The following DNAI1 variants were observed in gnomAD, a reference collection of about 807,000 sequenced individuals.
The protein encoded by DNAI1 is dynein axonemal intermediate chain 1, also known as dynein, axonemal, intermediate polypeptide 1.
DNAI1 carries 67 observed loss-of-function variants against 92.0 expected under a neutral mutation model. The ratio of observed to expected loss-of-function variants is 0.73; its 90% CI spans 0.60 to 0.89. DNAI1 has a LOEUF of 0.89. DNAI1 is among the 40% of genes least tolerant of loss of function. DNAI1 has a pLI of 0.00. For synonymous variants in DNAI1, 323 were observed against 319.6 expected (o/e 1.01, Z -0.11); for missense variants, 839 against 866.6 (o/e 0.97, Z 0.40).
chr9:34,484,264 T>C (rs1824430269), intron 2 of DNAI1, among the ~76,000 whole-genome samples: 1 of 152,220 alleles, frequency 6.6e-6, no homozygotes, highest in Non-Finnish European at 1.5e-5. Context: ...TTTTCACTGT[T>C]ATTATAAATC....
chr9:34,518,377 G>T (rs896863020), intron 19 of DNAI1, among the ~76,000 whole-genome samples: 5 of 152,252 alleles, frequency 3.3e-5, no homozygotes, highest in Non-Finnish European at 7.3e-5. Flanking sequence ...TCTGGTGCTG[G>T]CTTGGCCTGT....
intron 10 of DNAI1, among the ~76,000 whole-genome samples, chr9:34,500,498 A>T (rs956031542): frequency 6.6e-6 from 1 of 152,200 alleles, no homozygotes; most frequent in Non-Finnish European, 1.5e-5. Context: ...ACAATGGCTA[A>T]CACATAGAGC....
rs752863173 is a variant in DNAI1 at position 34,492,493 on chromosome 9, GATATATATATATATATATATAT to G, written c.682-680_682-659del. ...TCCGGGGTGGGGGTGGGGATATGAA[GATATATATATATATATATATAT>G]ATATATATATATATATATATTTGAG... is the stretch of plus-strand genomic sequence containing the variant. On this transcript the variant is annotated intron_variant, in intron 8 of 19. Coordinates refer to ENST00000242317, the MANE Select transcript of DNAI1 (RefSeq NM_012144.4). 5.3e-4 allele frequency among the ~76,000 whole-genome samples: 36 copies of G among 68,258 alleles called. 1 individual carries two copies. The highest frequency in any genetic ancestry group is 7.6e-4 in the Non-Finnish European group (25 of 32,726). The allele number at this position is 68,258 out of a possible 152,430, so 44.8% of individuals were successfully genotyped here.
chr9:34,478,554 G>A (rs189639889), intron 1 of DNAI1: 14 of 152,326 alleles, frequency 9.2e-5, no homozygotes, highest in African/African-American at 3.1e-4. Context: ...ATCCAAAGAC[G>A]AATAAGACTC....
chr9:34,482,532 C>T (rs1283012224), intron 1 of DNAI1, among the ~76,000 whole-genome samples: 1 of 146,688 alleles, frequency 6.8e-6, no homozygotes, highest in African/African-American at 2.5e-5. Context: ...TTGAGCTAGA[C>T]ATAAAGACTC....
chr9:34,507,264 G>A (rs562075011), intron 13 of DNAI1, among the ~76,000 whole-genome samples: 1 of 152,152 alleles, frequency 6.6e-6, no homozygotes, highest in Non-Finnish European at 1.5e-5. Flanking sequence ...AAAAATCTGT[G>A]TATAACTTTG....
chr9:34,458,888 C>T lies in DNAI1; in HGVS notation c.-118C>T. On this transcript the variant is annotated 5_prime_UTR_variant, in exon 1 of 20. Coordinates refer to ENST00000242317, the MANE Select transcript of DNAI1 (RefSeq NM_012144.4). The surrounding 1 kb of genome is among the most constrained non-coding windows in gnomAD (Gnocchi z 6.6). ...ACAACGACGGCTGTCCCTAAAGAACCGTTGCGACTGGTAACTGAAGTGGAA... is the reference window on the plus strand; with the variant it reads ...ACAACGACGGCTGTCCCTAAAGAACTGTTGCGACTGGTAACTGAAGTGGAA... 1.1e-6 allele frequency: 1 copy of T among 877,106 alleles called. No homozygotes were observed. The highest frequency in any genetic ancestry group is 1.6e-5 in the African/African-American group (1 of 60,974). 54.3% of individuals were successfully genotyped at this position (877,106 alleles called of 1,614,324 possible).
intron 13 of DNAI1, among the ~76,000 whole-genome samples, chr9:34,508,747 T>G (rs1824997600): frequency 6.6e-6 from 1 of 152,008 alleles, no homozygotes; most frequent in Admixed American, 6.6e-5. Flanking sequence ...GCTGGGAAAA[T>G]GGGGCGTTGA....
At position 34,493,287 on chromosome 9, in the gene DNAI1, GGGAAGATGGCCATGA is replaced by G; in HGVS notation, c.781_795del (p.Met261_Lys265del). 2 of 1,614,180 alleles carry G rather than the reference GGGAAGATGGCCATGA, an allele frequency of 1.2e-6. No homozygotes were observed. Among genetic ancestry groups the G allele is most frequent in the Non-Finnish European group, 1.7e-6 (2 of 1,180,010 alleles). Reference sequence around the variant, plus strand: ...AAAGACCCCAGTGGCTAAAAAATCAGGGAAGATGGCCATGAGGAAGCTGACATCTATGGAGTCTCA... The same window carrying G: ...AAAGACCCCAGTGGCTAAAAAATCAGGGAAGCTGACATCTATGGAGTCTCA... On this transcript the variant is annotated inframe_deletion, in exon 9 of 20. Coordinates refer to ENST00000242317, the MANE Select transcript of DNAI1 (RefSeq NM_012144.4).
intron 9 of DNAI1, among the ~76,000 whole-genome samples, chr9:34,495,513 G>A (rs1418814425): frequency 1.3e-5 from 2 of 152,152 alleles, no homozygotes; most frequent in East Asian, 1.9e-4. Flanking sequence ...AAGATAATAC[G>A]GTGCAGCCCC....
intron 4 of DNAI1, among the ~76,000 whole-genome samples, chr9:34,486,352 A>T (rs1417750178): frequency 6.6e-6 from 1 of 152,206 alleles, no homozygotes; most frequent in Non-Finnish European, 1.5e-5. Context: ...AGATTAAATT[A>T]GATAAACAAA....
At chr9:34,466,373 ATCTT>A (rs1824038569) in intron 1 of DNAI1, among the ~76,000 whole-genome samples, 1 of 152,204 alleles carries the variant, frequency 6.6e-6, no homozygotes, top group African/African-American at 2.4e-5. Flanking sequence ...TCAGCCTCAA[ATCTT>A]ATTTGGGAAC....
At chr9:34,504,535 G>C (rs776833198) in intron 12 of DNAI1, among the ~76,000 whole-genome samples, 3 of 152,250 alleles carry the variant, frequency 2.0e-5, no homozygotes, top group Non-Finnish European at 2.9e-5. Flanking sequence ...GGGCATTCCT[G>C]TTGTTAGTTT....
chr9:34,486,162 T>G (rs1824465793), intron 4 of DNAI1, among the ~76,000 whole-genome samples: 1 of 152,208 alleles, frequency 6.6e-6, no homozygotes, highest in South Asian at 2.1e-4. Context: ...CCGAGTACAT[T>G]TGAGCTGCAG....
chr9:34,468,115 A>C (rs1375459161), intron 1 of DNAI1, among the ~76,000 whole-genome samples: 1 of 152,198 alleles, frequency 6.6e-6, no homozygotes, highest in Non-Finnish European at 1.5e-5. Flanking sequence ...AATTCGTTGG[A>C]TAGGCCTAAC....
At chr9:34,478,198 T>C (rs1252585567) in intron 1 of DNAI1, among the ~76,000 whole-genome samples, 1 of 152,058 alleles carries the variant, frequency 6.6e-6, no homozygotes, top group Admixed American at 6.5e-5. Flanking sequence ...CGAGAACTTG[T>C]CTCAGGGAAA....
chr9:34,488,034 A>G, intron 4 of DNAI1: 1 of 376,278 alleles, frequency 2.7e-6, no homozygotes, highest in Non-Finnish European at 5.3e-6. Context: ...ATCTCAAATG[A>G]AACTGTAAGG....
At chr9:34,487,317 C>T (rs1305144737) in intron 4 of DNAI1, among the ~76,000 whole-genome samples, 3 of 152,008 alleles carry the variant, frequency 2.0e-5, no homozygotes, top group African/African-American at 7.2e-5. Context: ...TCCCGAGTAG[C>T]TGGGACTACA....
chr9:34,500,908 C>A (rs536650160), intron 11 of DNAI1, 69 bp downstream of exon 11: 65 of 1,253,880 alleles, frequency 5.2e-5, no homozygotes, highest in Admixed American at 2.4e-4. Flanking sequence ...CCCAGTACCC[C>A]CTTCTGCACT....
Sources: gnomAD v4.1 joint callset for allele counts (sites outside exome capture counted in the v4.1 genomes callset) on GRCh38, gnomAD v4.1.1 for gene constraint, Gnocchi (gnomAD v3.1) non-coding constraint, MANE v1.5 for transcripts, NCBI Gene and HGNC (gene_info 2026-07-23, HGNC 2026-07-21) for gene names.